SMYD3: variants seen among roughly 807,000 people sequenced by gnomAD.
SMYD3 encodes the protein histone-lysine N-methyltransferase SMYD3.
A neutral mutation model predicts 57.7 loss-of-function variants in SMYD3; 36 were observed. The observed-to-expected ratio is 0.62, with a 90% CI of 0.48 to 0.82. The LOEUF (loss-of-function observed/expected upper bound fraction) is 0.82. Ranked by LOEUF, SMYD3 falls within the 40% of genes least tolerant of loss-of-function variation. The probability of loss-of-function intolerance (pLI) is 0.00; values close to 1 mark genes in which losing one functional copy is unlikely to be tolerated. For missense variants in SMYD3, 515 were observed against 538.8 expected (o/e 0.96, Z 0.44); for synonymous variants, 211 against 195.0 (o/e 1.08, Z -0.68).
At chr1:246,406,067 C>A (rs951012484) in intron 1 of SMYD3, among the ~76,000 whole-genome samples, 10 of 151,996 alleles carry the variant, frequency 6.6e-5, no homozygotes, top group African/African-American at 2.2e-4. Flanking sequence ...TTCAAACTCT[C>A]TCATTCTCCT....
At chr1:246,090,426 C>T (rs896121107) in intron 5 of SMYD3, among the ~76,000 whole-genome samples, 1 of 151,972 alleles carries the variant, frequency 6.6e-6, no homozygotes, top group African/African-American at 2.4e-5. Flanking sequence ...TGAACAAAAT[C>T]CTGATCTCCA....
chr1:246,341,614 T>C (rs951908465), intron 2 of SMYD3, among the ~76,000 whole-genome samples: 2 of 152,246 alleles, frequency 1.3e-5, no homozygotes, highest in African/African-American at 4.8e-5. Flanking sequence ...ATTCTTTCTT[T>C]GACCAATAAG....
chr1:246,258,208 T>G (rs2063933503), intron 5 of SMYD3, among the ~76,000 whole-genome samples: 1 of 152,080 alleles, frequency 6.6e-6, no homozygotes, highest in African/African-American at 2.4e-5. Flanking sequence ...GGCTAATTTT[T>G]GTATTTTTAG....
chr1:246,044,426 A>G (rs1231241741), intron 5 of SMYD3, among the ~76,000 whole-genome samples: 1 of 152,230 alleles, frequency 6.6e-6, no homozygotes, highest in Non-Finnish European at 1.5e-5. Flanking sequence ...AAATGTGCAC[A>G]AACTGGGTAA....
intron 5 of SMYD3, among the ~76,000 whole-genome samples, chr1:246,094,602 G>A (rs2147903369): frequency 6.6e-6 from 1 of 152,276 alleles, no homozygotes; most frequent in East Asian, 1.9e-4. Context: ...AGCCCTCTGG[G>A]TTGTAACAAG....
At chr1:245,894,442 C>G (rs2053614783) in intron 8 of SMYD3, among the ~76,000 whole-genome samples, 2 of 151,968 alleles carry the variant, frequency 1.3e-5, no homozygotes, top group Non-Finnish European at 2.9e-5. Flanking sequence ...GCCGTGGAAG[C>G]TTTTGTTTTT....
In SMYD3 at chr1:246,355,211, T is replaced by C. The variant is rs2065892509; in HGVS notation, c.165-117A>G. On this transcript the variant is annotated intron_variant, in intron 1 of 11. Transcript: ENST00000490107. This position sits in a 1 kb window ranked among gnomAD's most constrained non-coding sequence, Gnocchi z 5.0. The stretch of plus-strand genomic sequence containing the variant: ...CCCGTATGTTCTGTTTACTCCATTA[T>C]GTACAGTCCCTTAAGATTTGGATTT... The C allele has an allele frequency of 5.3e-6, 5 of 949,060 alleles. No homozygotes were observed. The highest frequency in any genetic ancestry group is 8.2e-6 in the Non-Finnish European group (5 of 612,594). 58.8% of individuals were successfully genotyped at this position (949,060 alleles called of 1,614,324 possible). A position where few individuals can be genotyped will look rare whatever the true frequency, so the allele number is the denominator to read the frequency against.
chr1:246,166,938 CG>C (rs1212807686), intron 5 of SMYD3, among the ~76,000 whole-genome samples: 1 of 152,218 alleles, frequency 6.6e-6, no homozygotes, highest in Non-Finnish European at 1.5e-5. Flanking sequence ...CAGCTGCTCT[CG>C]GGTGCCCCTT....
At chr1:245,764,496 C>T (rs1158981968) in intron 10 of SMYD3, among the ~76,000 whole-genome samples, 1 of 152,112 alleles carries the variant, frequency 6.6e-6, no homozygotes, top group African/African-American at 2.4e-5. Flanking sequence ...CAAGCTCTTC[C>T]ATGAAGCATC....
chr1:245,869,940 C>T (rs1184325510), intron 8 of SMYD3, among the ~76,000 whole-genome samples: 1 of 152,176 alleles, frequency 6.6e-6, no homozygotes, highest in Non-Finnish European at 1.5e-5. Context: ...GTTAGCCTGG[C>T]CCTCCAGGCC....
intron 5 of SMYD3, among the ~76,000 whole-genome samples, chr1:246,098,764 T>C (rs2060958945): frequency 6.6e-6 from 1 of 152,166 alleles, no homozygotes; most frequent in Admixed American, 6.5e-5. Context: ...TACTCAACTT[T>C]TCAAAAACAT....
chr1:245,929,767 G>C (rs1312482706), intron 6 of SMYD3, 103 bp downstream of exon 6: 9 of 901,834 alleles, frequency 1.0e-5, no homozygotes, highest in East Asian at 2.4e-5. Context: ...CTTGGCTCTT[G>C]AACAAGCTGC....
chr1:246,342,729 G>C (rs1213703929), intron 2 of SMYD3, among the ~76,000 whole-genome samples: 1 of 152,118 alleles, frequency 6.6e-6, no homozygotes, highest in Non-Finnish European at 1.5e-5. Flanking sequence ...GAAGGAATGT[G>C]CCATGAAAAT....
intron 5 of SMYD3, among the ~76,000 whole-genome samples, chr1:246,303,444 A>G (rs1377466677): frequency 2.0e-5 from 3 of 152,220 alleles, no homozygotes; most frequent in Non-Finnish European, 4.4e-5. Flanking sequence ...TACTATGTGC[A>G]TATAGCCTGT....
intron 3 of SMYD3, among the ~76,000 whole-genome samples, chr1:246,331,787 G>C (rs925200317): frequency 1.3e-5 from 2 of 152,158 alleles, no homozygotes; most frequent in Non-Finnish European, 2.9e-5. Context: ...GTGTCTATGT[G>C]TGACATTTTG....
At chr1:245,971,610 A>G (rs1309184951) in intron 5 of SMYD3, among the ~76,000 whole-genome samples, 1 of 152,156 alleles carries the variant, frequency 6.6e-6, no homozygotes, top group Non-Finnish European at 1.5e-5. Context: ...TTCTCTCTGA[A>G]ACATCCCCAC....
intron 5 of SMYD3, among the ~76,000 whole-genome samples, chr1:246,184,776 C>T (rs1371920853): frequency 6.6e-6 from 1 of 152,160 alleles, no homozygotes; most frequent in African/African-American, 2.4e-5. Flanking sequence ...GCACCATCTG[C>T]AAGCCAGGAA....
intron 1 of SMYD3, among the ~76,000 whole-genome samples, chr1:246,491,613 T>C (rs182742701): frequency 6.6e-6 from 1 of 151,350 alleles, no homozygotes; most frequent in Non-Finnish European, 1.5e-5. Flanking sequence ...AGACTACTAA[T>C]ATGGCAACAC....
At chr1:246,426,367 C>A (rs896927111) in intron 1 of SMYD3, among the ~76,000 whole-genome samples, 4 of 152,134 alleles carry the variant, frequency 2.6e-5, no homozygotes, top group African/African-American at 9.7e-5. Context: ...AGTTTCATCA[C>A]CCCAAAAAGA....
Sources: gnomAD v4.1 joint callset for allele counts (sites outside exome capture counted in the v4.1 genomes callset) on GRCh38, gnomAD v4.1.1 for gene constraint, Gnocchi (gnomAD v3.1) non-coding constraint, MANE v1.5 for transcripts, NCBI Gene and HGNC (gene_info 2026-07-23, HGNC 2026-07-21) for gene names.